Variants in ARFGEF2 observed in about 807,000 individuals in gnomAD.
ARFGEF2 encodes ARF guanine nucleotide exchange factor 2.
ARFGEF2 carries 74 observed loss-of-function variants against 219.9 expected under a neutral mutation model. The ratio of observed to expected loss-of-function variants is 0.34; its 90% CI spans 0.28 to 0.41. ARFGEF2 has a LOEUF of 0.41. ARFGEF2 is among the 10% of genes least tolerant of loss of function. ARFGEF2 has a pLI of 1.00. For synonymous variants in ARFGEF2, 733 were observed against 799.2 expected, an observed-to-expected ratio of 0.92 and a Z score of 1.40; for missense variants, 1,743 against 2,218.3, an observed-to-expected ratio of 0.79 and a Z score of 4.30.
rs117818460 is a variant in ARFGEF2 at position 49,005,144 on chromosome 20, T to G, written c.3507T>G (p.Leu1169=). 1,529 of 1,614,076 alleles carry G rather than the reference T, an allele frequency of 9.5e-4. 26 individuals are homozygous for G. The East Asian group carries it at 0.028, about 30-fold the overall frequency. ...DSLRQLSMKF[L]EKGELANFRF... ...TAAGGCAACTCTCCATGAAGTTTCT[T>G]GAGAAGGGTGAATTAGCCAACTTCC... The change falls in exon 26 of 39, where the codon CTT becomes CTG. Residue 1169 remains leucine (L), a synonymous_variant. Transcript: ENST00000371917.
chr20:48,922,107 T>C lies in ARFGEF2; in HGVS notation c.121+97T>C. On this transcript the variant is annotated intron_variant, in intron 1 of 38. Coordinates refer to ENST00000371917, the MANE Select transcript of ARFGEF2 (RefSeq NM_006420.3). ...TTGGCCCGGCCTCCTGGCCTCCGCT[T>C]CCCCCCGATCCCGAATTCCACCCTT... 5 of 1,467,188 alleles carry C rather than the reference T, an allele frequency of 3.4e-6. No individual in the cohort carries two copies. The South Asian group carries it at 5.2e-5, about 15-fold the overall frequency. The allele number at this position is 1,467,188 out of a possible 1,614,324, so 90.9% of individuals were successfully genotyped here. A position where few individuals can be genotyped will look rare whatever the true frequency, so the allele number is the denominator to read the frequency against.
intron 5 of ARFGEF2, 23 bp downstream of exon 5, chr20:48,952,907 TA>T (rs751844807): frequency 1.9e-4 from 309 of 1,612,760 alleles, no homozygotes; most frequent in Admixed American, 3.2e-4. Flanking sequence ...ACTTACGTGC[TA>T]GGGGCAAGAC....
chr20:48,978,176 A>G (rs149273757), intron 14 of ARFGEF2, among the ~76,000 whole-genome samples: 1,867 of 152,348 alleles, frequency 0.012, 17 homozygotes, highest in Non-Finnish European at 0.02. Context: ...GAAGGGATCC[A>G]GTTTCAGCTT....
intron 1 of ARFGEF2, among the ~76,000 whole-genome samples, chr20:48,940,023 A>C (rs576217657): frequency 9.2e-5 from 14 of 152,342 alleles, no homozygotes; most frequent in South Asian, 2.1e-4. Context: ...TTGTGGGTCT[A>C]ACATGTAGAA....
chr20:48,994,690 C>T (rs779004293), intron 22 of ARFGEF2, 92 bp downstream of exon 22: 68 of 1,549,440 alleles, frequency 4.4e-5, no homozygotes, highest in African/African-American at 2.7e-4. Context: ...TCCTGTAAAC[C>T]GTCTCTTCCT....
At chr20:48,963,735 C>G in intron 6 of ARFGEF2, 95 bp from the exon 7 acceptor site, 1 of 1,264,188 alleles carries the variant, frequency 7.9e-7, no homozygotes. Flanking sequence ...CCTTTGCCTT[C>G]TGAAATGTAA....
chr20:48,971,301 A>T lies in ARFGEF2; in HGVS notation c.1372A>T (p.Ile458Phe), dbSNP rs747769286. The T allele has an allele frequency of 1.9e-6, 3 of 1,614,126 alleles. No individual in the cohort carries two copies. Among genetic ancestry groups the T allele is most frequent in the Non-Finnish European group, 2.5e-6 (3 of 1,180,018 alleles). Reference sequence around the variant, plus strand: ...TGATGTCTTTGAGCTCTCTCTTGCCATTTTTCTTACTCTTCTTTCAAACTT... The same window carrying T: ...TGATGTCTTTGAGCTCTCTCTTGCCTTTTTTCTTACTCTTCTTTCAAACTT... ...VPDVFELSLA[I>F]FLTLLSNFKM... The change falls in exon 10 of 39, where the codon ATT becomes TTT. Residue 458 changes from isoleucine to phenylalanine, a missense_variant. Transcript: ENST00000371917.
chr20:48,932,320 G>T (rs980685336), intron 1 of ARFGEF2, among the ~76,000 whole-genome samples: 1 of 152,178 alleles, frequency 6.6e-6, no homozygotes, highest in Non-Finnish European at 1.5e-5. Flanking sequence ...AAAGAGGACG[G>T]CAGCAGAACA....
intron 12 of ARFGEF2, 97 bp downstream of exon 12, chr20:48,973,381 G>A: frequency 7.6e-7 from 1 of 1,319,558 alleles, no homozygotes; most frequent in South Asian, 1.2e-5. Context: ...CCTTGATACA[G>A]CAGTGAACAA....
chr20:49,029,183 A>AAGT (rs2091619825), intron 37 of ARFGEF2, among the ~76,000 whole-genome samples: 1 of 152,200 alleles, frequency 6.6e-6, no homozygotes, highest in Non-Finnish European at 1.5e-5. Context: ...CCAGCCAGAA[A>AAGT]AGTAGGTCTT....
rs1465180140 is a variant in ARFGEF2 at position 49,006,883 on chromosome 20, G to GT, written c.3584+1673dup. On this transcript the variant is annotated intron_variant, in intron 26 of 38. Coordinates refer to ENST00000371917, the MANE Select transcript of ARFGEF2 (RefSeq NM_006420.3). Reference sequence around the variant, plus strand: ...AAGATGGAAGCCGTTGGAGGTTTTTGTTTTTTTTTTTGACGGAGTCTCTCC... The same window carrying GT: ...AAGATGGAAGCCGTTGGAGGTTTTTGTTTTTTTTTTTTGACGGAGTCTCTCC... Among the ~76,000 whole-genome samples the GT allele has an allele frequency of 3.5e-4, 52 of 148,022 alleles. 1 individual carries two copies. The highest frequency in any genetic ancestry group is 1.9e-3 in the South Asian group (9 of 4,758).
intron 2 of ARFGEF2, among the ~76,000 whole-genome samples, chr20:48,941,494 A>T (rs2090992928): frequency 6.6e-6 from 1 of 152,206 alleles, no homozygotes; most frequent in Non-Finnish European, 1.5e-5. Flanking sequence ...TTAACAGAAC[A>T]GGCAAAGCCC....
At chr20:49,012,130 G>A (rs1187997163) in intron 28 of ARFGEF2, 46 bp downstream of exon 28, 1 of 1,612,752 alleles carries the variant, frequency 6.2e-7, no homozygotes, top group Non-Finnish European at 8.5e-7. Flanking sequence ...AAGGGAAAAG[G>A]TCATGGAGCA....
At chr20:48,951,842 A>G (rs912177621) in intron 4 of ARFGEF2, among the ~76,000 whole-genome samples, 4 of 152,186 alleles carry the variant, frequency 2.6e-5, no homozygotes, top group African/African-American at 9.7e-5. Context: ...TTCTGCTGCC[A>G]GGAATGGTTT....
chr20:48,941,076 C>G, intron 1 of ARFGEF2, 123 bp from the exon 2 acceptor site: 5 of 865,112 alleles, frequency 5.8e-6, no homozygotes, highest in Non-Finnish European at 9.5e-6. Flanking sequence ...TTCATATCAG[C>G]ATTTTTGTAT....
chr20:49,027,495 A>G (rs6019595), intron 36 of ARFGEF2, among the ~76,000 whole-genome samples: 54,849 of 151,766 alleles, frequency 0.36, 10,734 homozygotes, highest in African/African-American at 0.53. Flanking sequence ...TCAGGGGTTC[A>G]AGACCAGCCT....
intron 8 of ARFGEF2, 34 bp downstream of exon 8, chr20:48,966,057 C>T: frequency 1.1e-5 from 17 of 1,613,236 alleles, no homozygotes; most frequent in Non-Finnish European, 1.4e-5. Context: ...GGACTTATTG[C>T]CATTTTTACT....
At chr20:49,027,189 G>A (rs1212148830) in intron 36 of ARFGEF2, among the ~76,000 whole-genome samples, 1 of 151,640 alleles carries the variant, frequency 6.6e-6, no homozygotes, top group African/African-American at 2.4e-5. Context: ...GGGTTCAAGC[G>A]ATTCTCCTGC....
At chr20:48,979,574 G>A (rs1174724605) in intron 14 of ARFGEF2, among the ~76,000 whole-genome samples, 2 of 152,176 alleles carry the variant, frequency 1.3e-5, no homozygotes, top group Non-Finnish European at 2.9e-5. Flanking sequence ...TTGTACCTCT[G>A]ATAGGATTCG....
Sources: gnomAD v4.1 joint callset for allele counts (sites outside exome capture counted in the v4.1 genomes callset) on GRCh38, gnomAD v4.1.1 for gene constraint, MANE v1.5 for transcripts, NCBI Gene and HGNC (gene_info 2026-07-23, HGNC 2026-07-21) for gene names.